Variants in LSAMP observed in about 807,000 individuals in gnomAD.
LSAMP encodes limbic system associated membrane protein.
In LSAMP, 7 loss-of-function variants were observed where a neutral mutation model predicts 38.6. That is an observed-to-expected ratio of 0.18 (90% CI 0.10 to 0.34). The LOEUF (loss-of-function observed/expected upper bound fraction) is 0.34. LSAMP is among the 10% of genes least tolerant of loss of function. The probability of loss-of-function intolerance (pLI) is 1.00; values close to 1 mark genes in which losing one functional copy is unlikely to be tolerated. For synonymous variants in LSAMP, 154 were observed against 166.8 expected (o/e 0.92, Z 0.59); for missense variants, 313 against 420.0 (o/e 0.75, Z 2.23).
At chr3:115,890,056 C>G (rs1311130854) in intron 3 of LSAMP, among the ~76,000 whole-genome samples, 1 of 151,844 alleles carries the variant, frequency 6.6e-6, no homozygotes, top group Non-Finnish European at 1.5e-5. Context: ...AACAGTATAT[C>G]CCTTCATTCT....
chr3:115,951,808 CCTT>C (rs1023088928), intron 3 of LSAMP, among the ~76,000 whole-genome samples: 11 of 152,022 alleles, frequency 7.2e-5, no homozygotes, highest in African/African-American at 2.2e-4. Flanking sequence ...TGGGACCACA[CCTT>C]CTGATTGTGT....
intron 3 of LSAMP, among the ~76,000 whole-genome samples, chr3:116,010,000 T>C (rs1044655011): frequency 6.6e-6 from 1 of 152,180 alleles, no homozygotes; most frequent in Non-Finnish European, 1.5e-5. Context: ...CACTGGAACC[T>C]CCACCTCCCA....
At chr3:116,332,521 A>G (rs1390412675) in intron 1 of LSAMP, among the ~76,000 whole-genome samples, 2 of 152,204 alleles carry the variant, frequency 1.3e-5, no homozygotes, top group Admixed American at 1.3e-4. Flanking sequence ...GGAATTTAAC[A>G]TTTCTTTAGA....
chr3:116,018,759 G>T (rs1208482716), intron 3 of LSAMP, among the ~76,000 whole-genome samples: 1 of 152,106 alleles, frequency 6.6e-6, no homozygotes, highest in Non-Finnish European at 1.5e-5. Context: ...AAAGCAGGAG[G>T]CCTGGGAACC....
chr3:116,210,816 A>G (rs1163957585), intron 1 of LSAMP, among the ~76,000 whole-genome samples: 1 of 152,224 alleles, frequency 6.6e-6, no homozygotes, highest in Non-Finnish European at 1.5e-5. Context: ...AGTCAGAGAC[A>G]GATAATTAAA....
At chr3:115,977,011 TG>T (rs1939208029) in intron 3 of LSAMP, among the ~76,000 whole-genome samples, 1 of 152,118 alleles carries the variant, frequency 6.6e-6, no homozygotes, top group African/African-American at 2.4e-5. Context: ...ACAGAACAAC[TG>T]GGGAACAGCC....
intron 1 of LSAMP, among the ~76,000 whole-genome samples, chr3:116,352,835 G>C (rs1043738780): frequency 5.3e-5 from 8 of 152,048 alleles, no homozygotes; most frequent in South Asian, 4.1e-4. Context: ...TATTTATATA[G>C]GGTTATTTGC....
intron 1 of LSAMP, among the ~76,000 whole-genome samples, chr3:116,192,859 T>C (rs1404978433): frequency 6.6e-6 from 1 of 152,172 alleles, no homozygotes; most frequent in Non-Finnish European, 1.5e-5. Context: ...CAGGGAGCTA[T>C]TCATGACAAA....
intron 6 of LSAMP, chr3:115,834,420 TA>T: frequency 8.0e-6 from 5 of 624,938 alleles, no homozygotes; most frequent in African/African-American, 1.9e-5. Context: ...ATTGGCTTTT[TA>T]AAAAAGGTTT....
At chr3:116,017,808 A>G (rs1202449604) in intron 3 of LSAMP, among the ~76,000 whole-genome samples, 3 of 152,166 alleles carry the variant, frequency 2.0e-5, no homozygotes, top group Non-Finnish European at 4.4e-5. Context: ...AACAATTAAC[A>G]ATCTCTCAAT....
chr3:116,063,142 G>A (rs547648455), intron 2 of LSAMP, among the ~76,000 whole-genome samples: 110 of 151,968 alleles, frequency 7.2e-4, no homozygotes, highest in African/African-American at 2.5e-3. Context: ...TTGGATTCAG[G>A]GAGAGTAAAT....
In LSAMP at chr3:115,802,501, AAAG is replaced by A. The variant is rs1933536096; in HGVS notation, c.*7813_*7815del. 6.6e-6 allele frequency: 1 copy of A among 150,404 alleles called. No individual in the cohort carries two copies. The highest frequency in any genetic ancestry group is 2.5e-5 in the African/African-American group (1 of 40,516). The allele number at this position is 150,404 out of a possible 1,614,324, so 9.3% of individuals were successfully genotyped here. ...AAATACATTTAAAAAGAAAAGAAAA[AAAG>A]CTTTTTTTCATTTTAATTTTAATTT... On this transcript the variant is annotated 3_prime_UTR_variant, in exon 7 of 7. Coordinates refer to ENST00000490035, the MANE Select transcript of LSAMP (RefSeq NM_002338.5).
intron 3 of LSAMP, among the ~76,000 whole-genome samples, chr3:115,929,387 C>T (rs570288779): frequency 5.9e-5 from 9 of 152,084 alleles, no homozygotes; most frequent in Admixed American, 3.9e-4. Flanking sequence ...CTACTTGTGA[C>T]ACTACTTTGA....
chr3:116,412,052 A>T (rs2048987880), intron 1 of LSAMP, among the ~76,000 whole-genome samples: 1 of 152,042 alleles, frequency 6.6e-6, no homozygotes. Flanking sequence ...AACTGTTCTT[A>T]TTAAATACCT....
At chr3:116,275,524 T>C (rs115824702) in intron 1 of LSAMP, among the ~76,000 whole-genome samples, 1 of 137,936 alleles carries the variant, frequency 7.2e-6, no homozygotes, top group Non-Finnish European at 1.6e-5. Flanking sequence ...AATTAATTAT[T>C]AAGCATGACA....
chr3:116,016,286 A>G (rs1276533329), intron 3 of LSAMP, among the ~76,000 whole-genome samples: 2 of 152,194 alleles, frequency 1.3e-5, no homozygotes, highest in African/African-American at 2.4e-5. Flanking sequence ...GATTATGATC[A>G]GTTGGTTATT....
intron 1 of LSAMP, among the ~76,000 whole-genome samples, chr3:116,442,895 G>A (rs2049456705): frequency 6.6e-6 from 1 of 152,148 alleles, no homozygotes; most frequent in African/African-American, 2.4e-5. Context: ...CCATAGATAT[G>A]TATACAGTGA....
intron 1 of LSAMP, among the ~76,000 whole-genome samples, chr3:116,378,888 T>C (rs144392447): frequency 4.8e-4 from 73 of 152,016 alleles, no homozygotes; most frequent in Admixed American, 1.2e-3. Flanking sequence ...CAAAGTTAAA[T>C]TGACCTTGGT....
intron 1 of LSAMP, among the ~76,000 whole-genome samples, chr3:116,260,052 C>T (rs963471823): frequency 6.6e-6 from 1 of 152,138 alleles, no homozygotes; most frequent in East Asian, 1.9e-4. Flanking sequence ...GGAGAAGTTA[C>T]ATTTCCAAGA....
Sources: gnomAD v4.1 joint callset for allele counts (sites outside exome capture counted in the v4.1 genomes callset) on GRCh38, gnomAD v4.1.1 for gene constraint, MANE v1.5 for transcripts, NCBI Gene and HGNC (gene_info 2026-07-23, HGNC 2026-07-21) for gene names.